Variants in PODXL observed in about 807,000 individuals in gnomAD.
PODXL encodes the protein podocalyxin.
PODXL carries 20 observed loss-of-function variants against 48.9 expected under a neutral mutation model. The ratio of observed to expected loss-of-function variants is 0.41; its 90% CI spans 0.29 to 0.59. PODXL has a LOEUF of 0.59. PODXL is among the 20% of genes least tolerant of loss of function. PODXL has a pLI of 0.31. For synonymous variants in PODXL, 295 were observed against 287.4 expected (o/e 1.03, Z -0.27); for missense variants, 606 against 675.1 (o/e 0.90, Z 1.13).
chr7:131,524,891 TGAC>T (rs1405229499), intron 1 of PODXL, among the ~76,000 whole-genome samples: 2 of 152,088 alleles, frequency 1.3e-5, no homozygotes, highest in Non-Finnish European at 2.9e-5. Context: ...AGCCATATAA[TGAC>T]TACTCAGCAA....
At chr7:131,523,665 C>T (rs529399728) in intron 1 of PODXL, among the ~76,000 whole-genome samples, 4 of 91,502 alleles carry the variant, frequency 4.4e-5, no homozygotes, top group African/African-American at 1.6e-4. Flanking sequence ...GGCAACAGAG[C>T]GAGAATCCGT....
chr7:131,509,288 G>T lies in PODXL; in HGVS notation c.1023+77C>A, dbSNP rs1237102690. 7.5e-6 allele frequency: 9 copies of T among 1,200,062 alleles called. No homozygotes were observed. In the East Asian group the frequency reaches 1.9e-4, roughly 25 times the overall value. The allele number at this position is 1,200,062 out of a possible 1,614,324, so 74.3% of individuals were successfully genotyped here. ...GCCAGGGGCCCTGCGTTGGAGGAAA[G>T]AACAGAAAACCTTGTCTTAAAGCCT... is the stretch of plus-strand genomic sequence containing the variant. On this transcript the variant is annotated intron_variant, in intron 4 of 8. Coordinates refer to ENST00000378555, the MANE Select transcript of PODXL (RefSeq NM_001018111.3).
Position 131,502,631 on chromosome 7 carries a change from C to G in PODXL, c.*1680G>C, listed in dbSNP as rs1797726426. ...CGTTTCACCCGAAAAATGGCAATTT[C>G]ATTCCCCTAAGCAGTTCTGCCCATT... On this transcript the variant is annotated 3_prime_UTR_variant, in exon 9 of 9. Coordinates refer to ENST00000378555, the MANE Select transcript of PODXL (RefSeq NM_001018111.3). The G allele has an allele frequency of 6.6e-6, 1 of 152,268 alleles. No homozygotes were observed. The highest frequency in any genetic ancestry group is 6.5e-5 in the Admixed American group (1 of 15,272). 9.4% of individuals were successfully genotyped at this position (152,268 alleles called of 1,614,324 possible). A position where few individuals can be genotyped will look rare whatever the true frequency, so the allele number is the denominator to read the frequency against.
At chr7:131,509,660 C>T in intron 3 of PODXL, 75 bp from the exon 4 acceptor site, 1 of 1,051,278 alleles carries the variant, frequency 9.5e-7, no homozygotes, top group Non-Finnish European at 1.4e-6. Context: ...TTTTCTTGCT[C>T]TAATAGTTTT....
Position 131,510,317 on chromosome 7 carries a change from G to GT in PODXL, c.720_721insA (p.His241ThrfsTer9), listed in dbSNP as rs1797887296. ...TCAAGACCAGCCTGGCTGACATGGT[G>GT]AAACACTGTCTCTACTTGAAAAAAA... On this transcript the variant is annotated frameshift_variant, in exon 3 of 9. Transcript: ENST00000378555. LOFTEE classifies it high-confidence loss of function. The GT allele has an allele frequency of 3.7e-6, 1 of 270,948 alleles. No individual in the cohort carries two copies. The highest frequency in any genetic ancestry group is 2.8e-5 in the African/African-American group (1 of 35,988). The allele number at this position is 270,948 out of a possible 1,614,324, so 16.8% of individuals were successfully genotyped here.
At chr7:131,515,966 G>C (rs1007571110) in intron 1 of PODXL, among the ~76,000 whole-genome samples, 1 of 152,124 alleles carries the variant, frequency 6.6e-6, no homozygotes, top group African/African-American at 2.4e-5. Context: ...CTAGGAGAAG[G>C]CTCACACACT....
chr7:131,539,802 G>A (rs187412865), intron 1 of PODXL, among the ~76,000 whole-genome samples: 209 of 152,310 alleles, frequency 1.4e-3, no homozygotes, highest in African/African-American at 4.6e-3. Context: ...TACACTCGGG[G>A]CAGCTCTGAG....
intron 1 of PODXL, among the ~76,000 whole-genome samples, chr7:131,529,680 CA>C (rs1192030020): frequency 6.6e-6 from 1 of 151,986 alleles, no homozygotes; most frequent in Non-Finnish European, 1.5e-5. Context: ...ATTGGTGTGC[CA>C]AAGGGAAGAG....
intron 1 of PODXL, among the ~76,000 whole-genome samples, chr7:131,517,363 C>T (rs1013511786): frequency 2.6e-5 from 4 of 152,156 alleles, no homozygotes; most frequent in African/African-American, 9.7e-5. Context: ...TCAGAATGGA[C>T]GGGCAACTCA....
chr7:131,507,670 A>G (rs3800686), intron 5 of PODXL, among the ~76,000 whole-genome samples: 52,878 of 133,858 alleles, frequency 0.4, 9,649 homozygotes, highest in East Asian at 0.47. Flanking sequence ...TAGCAAAGGG[A>G]AAAAAAAAAA....
rs527783786 is a variant in PODXL at position 131,511,095 on chromosome 7, T to G, written c.439A>C (p.Ser147Arg). 1.2e-6 allele frequency: 2 copies of G among 1,614,110 alleles called. No individual in the cohort carries two copies. The highest frequency in any genetic ancestry group is 1.6e-4 in the Middle Eastern group (1 of 6,062). ...STATAKPNTT[S>R]SQNGAEDTTN... Reference sequence around the variant, plus strand: ...GTATCTTCTGCTCCATTCTGGCTGCTTGTGGTGTTAGGTTTAGCTGTGGCT... The same window carrying G: ...GTATCTTCTGCTCCATTCTGGCTGCGTGTGGTGTTAGGTTTAGCTGTGGCT... Residue 147 changes from serine to arginine, a missense_variant, in exon 2 of 9, where the codon AGC (serine) becomes CGC (arginine). Transcript: ENST00000378555.
intron 1 of PODXL, among the ~76,000 whole-genome samples, chr7:131,539,527 C>T (rs1238363909): frequency 3.9e-5 from 6 of 152,114 alleles, no homozygotes; most frequent in South Asian, 2.1e-4. Flanking sequence ...CATGGGGTGT[C>T]GCCACGTTGG....
intron 1 of PODXL, among the ~76,000 whole-genome samples, chr7:131,546,843 G>A (rs765180578): frequency 3.3e-5 from 5 of 151,780 alleles, no homozygotes; most frequent in Admixed American, 6.6e-5. Context: ...GGCAGGGGGC[G>A]CCATCTCAGT....
intron 1 of PODXL, among the ~76,000 whole-genome samples, chr7:131,519,730 C>CT (rs547791079): frequency 9.9e-5 from 15 of 151,898 alleles, no homozygotes; most frequent in African/African-American, 1.7e-4. Context: ...AAATTTCTTT[C>CT]TTTTTTTTAT....
chr7:131,553,827 T>C (rs1261873450), intron 1 of PODXL, among the ~76,000 whole-genome samples: 1 of 152,172 alleles, frequency 6.6e-6, no homozygotes, highest in East Asian at 1.9e-4. Context: ...CTTTGGTTCT[T>C]TTATTCTATC....
chr7:131,531,400 G>A (rs1798278105), intron 1 of PODXL, among the ~76,000 whole-genome samples: 2 of 152,220 alleles, frequency 1.3e-5, no homozygotes. Context: ...GCAGAGGACA[G>A]CATGGGAAGG....
chr7:131,520,107 A>G, intron 1 of PODXL: 1 of 228,228 alleles, frequency 4.4e-6, no homozygotes, highest in Non-Finnish European at 8.8e-6. Flanking sequence ...ATCATAAAGA[A>G]ATTGAGCCTT....
chr7:131,512,732 C>A (rs1022798541), intron 1 of PODXL, among the ~76,000 whole-genome samples: 1 of 152,128 alleles, frequency 6.6e-6, no homozygotes, highest in Non-Finnish European at 1.5e-5. Flanking sequence ...AATCCCAGCA[C>A]TTTGGGAGGC....
At chr7:131,525,004 C>A (rs1261270190) in intron 1 of PODXL, among the ~76,000 whole-genome samples, 2 of 152,048 alleles carry the variant, frequency 1.3e-5, no homozygotes, top group Non-Finnish European at 2.9e-5. Context: ...CATTTGATTC[C>A]ATTTTGATGT....
Sources: gnomAD v4.1 joint callset for allele counts (sites outside exome capture counted in the v4.1 genomes callset) on GRCh38, gnomAD v4.1.1 for gene constraint, MANE v1.5 for transcripts, NCBI Gene and HGNC (gene_info 2026-07-23, HGNC 2026-07-21) for gene names.